The following LEMD3 variants were observed in gnomAD, a reference collection of about 807,000 sequenced individuals.
LEMD3 encodes the protein inner nuclear membrane protein Man1.
Under a neutral mutation model 95.2 loss-of-function variants are expected in LEMD3, and 33 were observed. The observed-to-expected ratio is 0.35, with a 90% CI of 0.26 to 0.46. The LOEUF (loss-of-function observed/expected upper bound fraction) is 0.46, where lower values mean the gene tolerates loss of function less well. Ranked by LOEUF, LEMD3 falls within the 20% of genes least tolerant of loss-of-function variation. The pLI, the probability that LEMD3 is intolerant of heterozygous loss-of-function variation, is 1.00. For missense variants in LEMD3, 1,210 were observed against 1,192.8 expected (o/e 1.01, Z -0.21); for synonymous variants, 525 against 474.6 (o/e 1.11, Z -1.38).
chr12:65,212,565 A>G (rs980122610), intron 2 of LEMD3, among the ~76,000 whole-genome samples: 1 of 151,466 alleles, frequency 6.6e-6, no homozygotes, highest in African/African-American at 2.4e-5. Flanking sequence ...AATTCCTTGA[A>G]GAGAAAATTG....
Position 65,243,469 on chromosome 12 carries a change from T to C in LEMD3, c.2387T>C (p.Met796Thr), listed in dbSNP as rs745716875. 7 of 1,550,292 alleles carry C rather than the reference T, an allele frequency of 4.5e-6. No homozygotes were observed. The highest frequency in any genetic ancestry group is 6.2e-6 in the Non-Finnish European group (7 of 1,122,216). The change falls in exon 10 of 13, where the codon ATG becomes ACG. Residue 796 changes from methionine (M) to threonine (T), a missense_variant and splice_region_variant. Coordinates refer to ENST00000308330, the MANE Select transcript of LEMD3 (RefSeq NM_014319.5). ...LKIRNMFDPVMEIGDQWHLAI... is the reference protein window; with the variant it reads ...LKIRNMFDPVTEIGDQWHLAI... ...ATTCGGAATATGTTTGATCCCGTTA[T>C]GTAAGTATTATGATCAGGGGTACAT... is the stretch of plus-strand genomic sequence containing the variant.
Position 65,203,623 on chromosome 12 carries a change from A to ATGTTGAAGTAGT in LEMD3, c.1523-7301_1523-7300insTTGAAGTAGTTG, listed in dbSNP as rs544336516. Among the ~76,000 whole-genome samples, 1,405 of 152,158 alleles carry ATGTTGAAGTAGT rather than the reference A, an allele frequency of 9.2e-3. 20 individuals are homozygous for ATGTTGAAGTAGT. Among genetic ancestry groups the ATGTTGAAGTAGT allele is most frequent in the African/African-American group, 0.032 (1,322 of 41,512 alleles). ...AGACTGTGTATTCTGTTGTTGTTTG[A>ATGTTGAAGTAGT]TGAAGTAGTCTTTTGTTCATTATAT... On this transcript the variant is annotated intron_variant, in intron 1 of 12. Transcript: ENST00000308330.
rs780910419 is a variant in LEMD3, at chr12:65,248,241, A to G, written c.*1916A>G. 1.3e-5 allele frequency: 2 copies of G among 152,252 alleles called. No homozygotes were observed. The highest frequency in any genetic ancestry group is 2.9e-5 in the Non-Finnish European group (2 of 67,998). The allele number at this position is 152,252 out of a possible 1,614,324, so 9.4% of individuals were successfully genotyped here. On this transcript the variant is annotated 3_prime_UTR_variant, in exon 13 of 13. Transcript: ENST00000308330. ...ATGGGAATGTGTATAATAACTAGGT[A>G]TTTGAGAAGTTCTGAAGTTTGATGT...
At chr12:65,179,017 G>T (rs1855569196) in intron 1 of LEMD3, among the ~76,000 whole-genome samples, 1 of 152,070 alleles carries the variant, frequency 6.6e-6, no homozygotes, top group Non-Finnish European at 1.5e-5. Flanking sequence ...ATTAATTAAG[G>T]GGGAGGGGGC....
intron 1 of LEMD3, chr12:65,171,493 G>T: frequency 4.1e-6 from 1 of 245,304 alleles, no homozygotes; most frequent in Non-Finnish European, 8.2e-6. Context: ...TAAATGTAGT[G>T]TTTTTCCAAA....
chr12:65,219,540 A>G (rs1870218271), intron 4 of LEMD3, among the ~76,000 whole-genome samples: 1 of 152,222 alleles, frequency 6.6e-6, no homozygotes, highest in Admixed American at 6.5e-5. Flanking sequence ...TACAAATTTC[A>G]TGCCTCCCAT....
At chr12:65,217,704 A>G (rs1870151652) in intron 3 of LEMD3, among the ~76,000 whole-genome samples, 1 of 152,256 alleles carries the variant, frequency 6.6e-6, no homozygotes, top group Non-Finnish European at 1.5e-5. Context: ...AACAATTAAA[A>G]GAAAAGATAA....
Position 65,210,555 on chromosome 12 carries a change from G to T in LEMD3, c.1523-371G>T, listed in dbSNP as rs376068653. Among the ~76,000 whole-genome samples the T allele has an allele frequency of 2.6e-5, 4 of 152,024 alleles. No individual in the cohort carries two copies. The South Asian group carries it at 8.3e-4, about 32-fold the overall frequency. Reference sequence around the variant, plus strand: ...TTTAATCCTGACAACAACTGTATAAGGTAGGTATCATTGTTATCCATACTC... The same window carrying T: ...TTTAATCCTGACAACAACTGTATAATGTAGGTATCATTGTTATCCATACTC... On this transcript the variant is annotated intron_variant, in intron 1 of 12. Coordinates refer to ENST00000308330, the MANE Select transcript of LEMD3 (RefSeq NM_014319.5).
chr12:65,186,207 C>G (rs556987891), intron 1 of LEMD3, among the ~76,000 whole-genome samples: 39 of 152,092 alleles, frequency 2.6e-4, no homozygotes, highest in African/African-American at 9.1e-4. Context: ...TATTTCTTGC[C>G]TCAAGAGATT....
intron 1 of LEMD3, among the ~76,000 whole-genome samples, chr12:65,186,167 GA>G (rs2136321838): frequency 6.6e-6 from 1 of 152,150 alleles, no homozygotes; most frequent in South Asian, 2.1e-4. Flanking sequence ...TAACTTGCCT[GA>G]GATTCTAAGT....
At chr12:65,218,198 G>A (rs1293741522) in intron 3 of LEMD3, among the ~76,000 whole-genome samples, 1 of 152,156 alleles carries the variant, frequency 6.6e-6, no homozygotes, top group African/African-American at 2.4e-5. Flanking sequence ...AGGGCGTCTT[G>A]TGTGCCAAGA....
chr12:65,234,848 T>C (rs948806214), intron 4 of LEMD3, among the ~76,000 whole-genome samples: 2 of 152,184 alleles, frequency 1.3e-5, no homozygotes, highest in Admixed American at 1.3e-4. Context: ...AGAACAGTAA[T>C]ATTTATAATG....
At chr12:65,185,491 A>G (rs1233461113) in intron 1 of LEMD3, among the ~76,000 whole-genome samples, 5 of 152,068 alleles carry the variant, frequency 3.3e-5, no homozygotes, top group Admixed American at 2.6e-4. Flanking sequence ...ATGGTATTTC[A>G]ATACTGCTGT....
intron 1 of LEMD3, among the ~76,000 whole-genome samples, chr12:65,190,655 G>T (rs533323176): frequency 6.6e-6 from 1 of 152,154 alleles, no homozygotes; most frequent in African/African-American, 2.4e-5. Flanking sequence ...TCCCTAAAAT[G>T]TATAAAAGCA....
At chr12:65,241,293 A>G (rs1172201400) in intron 9 of LEMD3, among the ~76,000 whole-genome samples, 2 of 152,140 alleles carry the variant, frequency 1.3e-5, no homozygotes, top group African/African-American at 4.8e-5. Flanking sequence ...TATCTTTAAT[A>G]AAGATGAATA....
At chr12:65,195,355 T>A (rs1429803617) in intron 1 of LEMD3, among the ~76,000 whole-genome samples, 1 of 152,128 alleles carries the variant, frequency 6.6e-6, no homozygotes, top group Non-Finnish European at 1.5e-5. Flanking sequence ...ATTCTAAAAT[T>A]TTAGTCGTGT....
chr12:65,231,315 C>T (rs1020775332), intron 4 of LEMD3, among the ~76,000 whole-genome samples: 1 of 151,900 alleles, frequency 6.6e-6, no homozygotes, highest in Non-Finnish European at 1.5e-5. Context: ...TTTTTTCCCC[C>T]AAAAATGTAA....
chr12:65,169,764 AG>A lies in LEMD3; in HGVS notation c.173del (p.Gly58AlafsTer125). The A allele has an allele frequency of 6.3e-7, 1 of 1,586,754 alleles. No homozygotes were observed. Among genetic ancestry groups the A allele is most frequent in the Non-Finnish European group, 8.6e-7 (1 of 1,166,128 alleles). On this transcript the variant is annotated frameshift_variant, in exon 1 of 13. Transcript: ENST00000308330. LOFTEE classifies it high-confidence loss of function. The stretch of plus-strand genomic sequence containing the variant: ...AGGAAGAGCAGCAACAGCACCGGTC[AG>A]GGGGCCGCGGCAACAAGACGCGGAA... ...REEEQQQHRS[G>X]GRGNKTRNSN...
In LEMD3 at chr12:65,230,403, ATCT is replaced by A. The variant is rs1236587465; in HGVS notation, c.1696-8095_1696-8093del. ...TATTTTTGGTAGTGTAGTTTTCATA[ATCT>A]TCTAATTGTGAACATGGGATGTCTT... On this transcript the variant is annotated intron_variant, in intron 4 of 12. Coordinates refer to ENST00000308330, the MANE Select transcript of LEMD3 (RefSeq NM_014319.5). 2.0e-5 allele frequency among the ~76,000 whole-genome samples: 3 copies of A among 152,074 alleles called. No homozygotes were observed. The East Asian group carries it at 5.8e-4, about 29-fold the overall frequency.
Sources: allele counts gnomAD v4.1 joint callset (sites outside exome capture counted in the v4.1 genomes callset), GRCh38; gene constraint gnomAD v4.1.1; transcripts MANE v1.5; gene names NCBI Gene and HGNC (gene_info 2026-07-23, HGNC 2026-07-21).